The following PHF21A variants were observed in gnomAD, a reference collection of about 807,000 sequenced individuals.
PHF21A encodes PHD finger protein 21A, also known as BHC80a.
A neutral mutation model predicts 82.5 loss-of-function variants in PHF21A; 11 were observed. The observed-to-expected ratio is 0.13, with a 90% CI of 0.08 to 0.22. The LOEUF (loss-of-function observed/expected upper bound fraction) is 0.22. PHF21A is among the 10% of genes least tolerant of loss of function. The pLI, the probability that PHF21A is intolerant of heterozygous loss-of-function variation, is 1.00. For synonymous variants in PHF21A, 297 were observed against 302.8 expected (o/e 0.98, Z 0.20); for missense variants, 579 against 837.8 (o/e 0.69, Z 3.81).
intron 4 of PHF21A, among the ~76,000 whole-genome samples, chr11:46,083,245 AAG>A (rs748451265): frequency 2.7e-4 from 41 of 152,136 alleles, no homozygotes; most frequent in Admixed American, 1.9e-3. Context: ...GCAGCGGAAC[AAG>A]AGTTTAACGA....
chr11:46,009,044 G>A (rs1396005087), intron 6 of PHF21A, among the ~76,000 whole-genome samples: 2 of 138,990 alleles, frequency 1.4e-5, no homozygotes, highest in South Asian at 2.3e-4. Flanking sequence ...GCGTGATCCC[G>A]GCTCACTGCA....
chr11:45,947,183 T>C (rs987083962), intron 14 of PHF21A, among the ~76,000 whole-genome samples: 3 of 152,216 alleles, frequency 2.0e-5, no homozygotes, highest in Admixed American at 2.0e-4. Context: ...GAATGAGCCC[T>C]GTGGGTACAG....
chr11:46,076,717 A>G (rs1372010951), intron 6 of PHF21A, 37 bp downstream of exon 6: 1 of 1,538,576 alleles, frequency 6.5e-7, no homozygotes, highest in African/African-American at 1.4e-5. Flanking sequence ...TTTAGAACAC[A>G]ACGTTAAAAA....
chr11:46,049,268 A>G, intron 6 of PHF21A: 2 of 332,118 alleles, frequency 6.0e-6, no homozygotes, highest in Non-Finnish European at 1.2e-5. Flanking sequence ...GTCCTCTATC[A>G]TTTCTCAAAT....
chr11:45,991,287 G>A (rs1290402667), intron 6 of PHF21A, among the ~76,000 whole-genome samples: 1 of 151,982 alleles, frequency 6.6e-6, no homozygotes, highest in Non-Finnish European at 1.5e-5. Context: ...TTTCCATATG[G>A]TCTAATGTAG....
chr11:46,062,965 C>T (rs540621033), intron 6 of PHF21A, among the ~76,000 whole-genome samples: 36 of 152,274 alleles, frequency 2.4e-4, no homozygotes, highest in Admixed American at 9.2e-4. Flanking sequence ...ATGAGCGAGA[C>T]GACCAAGAAC....
intron 6 of PHF21A, among the ~76,000 whole-genome samples, chr11:46,066,708 TAAAC>T (rs1026343899): frequency 6.6e-6 from 1 of 151,720 alleles, no homozygotes; most frequent in Non-Finnish European, 1.5e-5. Flanking sequence ...CTAAAAATAA[TAAAC>T]AAACAAAATA....
Position 45,934,999 on chromosome 11 carries a change from A to G in PHF21A, c.1788+637T>C. The G allele has an allele frequency of 4.2e-6, 3 of 721,024 alleles. No individual in the cohort carries two copies. The South Asian group carries it at 4.3e-5, about 10-fold the overall frequency. The allele number at this position is 721,024 out of a possible 1,614,324, so 44.7% of individuals were successfully genotyped here. ...ATGAGGGCTGAGGTCACTTCACTCC[A>G]ACAAGGGTGACCTACTCAATGGAAA... On this transcript the variant is annotated intron_variant, in intron 18 of 18. Transcript: ENST00000676320.
intron 4 of PHF21A, among the ~76,000 whole-genome samples, chr11:46,082,810 A>G (rs898773095): frequency 5.3e-5 from 8 of 152,220 alleles, no homozygotes; most frequent in Non-Finnish European, 1.0e-4. Context: ...TTAGGTCATG[A>G]GCCTTTCAAG....
intron 6 of PHF21A, among the ~76,000 whole-genome samples, chr11:46,005,392 T>A (rs558088841): frequency 6.6e-6 from 1 of 152,342 alleles, no homozygotes; most frequent in African/African-American, 2.4e-5. Context: ...TTGCACAATA[T>A]ATTAACGCCT....
At position 46,102,064 on chromosome 11, in the gene PHF21A, G is replaced by A. The variant is rs770470826; in HGVS notation, c.-236-9841C>T. 9.9e-4 allele frequency among the ~76,000 whole-genome samples: 150 copies of A among 151,998 alleles called. 1 individual carries two copies. Among genetic ancestry groups the A allele is most frequent in the Middle Eastern group, 3.4e-3 (1 of 294 alleles). On this transcript the variant is annotated intron_variant, in intron 1 of 18. Transcript: ENST00000676320. ...GTAGAGACAGGGTTTCATCATGTTG[G>A]CCAGGATGGTCTCAAACTCCTGACC...
At chr11:45,960,915 T>C (rs1290147744) in intron 10 of PHF21A, among the ~76,000 whole-genome samples, 1 of 152,224 alleles carries the variant, frequency 6.6e-6, no homozygotes, top group Non-Finnish European at 1.5e-5. Context: ...TGAAGAAGTC[T>C]CCATGTGATA....
At chr11:46,094,081 A>G (rs1173726002) in intron 1 of PHF21A, among the ~76,000 whole-genome samples, 2 of 152,226 alleles carry the variant, frequency 1.3e-5, no homozygotes, top group Admixed American at 6.5e-5. Context: ...CCCACAATAT[A>G]TAAAATATGT....
intron 6 of PHF21A, among the ~76,000 whole-genome samples, chr11:46,066,832 C>G (rs2096599856): frequency 6.6e-6 from 1 of 152,180 alleles, no homozygotes; most frequent in Non-Finnish European, 1.5e-5. Flanking sequence ...GTAAACAATT[C>G]TAGATAATCT....
intron 10 of PHF21A, among the ~76,000 whole-genome samples, chr11:45,957,751 C>CAAAAAAAAAAAAAAAAAAAAAA: frequency 1.9e-3 from 113 of 60,844 alleles, no homozygotes; most frequent in East Asian, 3.9e-3. Flanking sequence ...AAATTCAAAG[C>CAAAAAAAAAAAAAAAAAAAAAA]AAAAAAAAAA....
intron 6 of PHF21A, among the ~76,000 whole-genome samples, chr11:46,007,265 G>A (rs1352181791): frequency 6.6e-6 from 1 of 152,030 alleles, no homozygotes; most frequent in African/African-American, 2.4e-5. Context: ...GCTGAAGCCA[G>A]GAATCTGTGG....
At chr11:46,100,988 T>C (rs2097088506) in intron 1 of PHF21A, among the ~76,000 whole-genome samples, 3 of 152,128 alleles carry the variant, frequency 2.0e-5, no homozygotes, top group Non-Finnish European at 2.9e-5. Context: ...TAAATAGAAA[T>C]AGAATATGCA....
intron 1 of PHF21A, chr11:46,118,051 T>C (rs1851856278): frequency 6.6e-6 from 1 of 152,190 alleles, no homozygotes; most frequent in Non-Finnish European, 1.5e-5. Context: ...TCCTGCTGGA[T>C]AGCATTTAGA....
At chr11:46,012,100 T>C (rs1437775787) in intron 6 of PHF21A, among the ~76,000 whole-genome samples, 14 of 152,222 alleles carry the variant, frequency 9.2e-5, no homozygotes, top group African/African-American at 3.4e-4. Flanking sequence ...AGCTGTTCAT[T>C]ACTACCGGAA....
Sources: allele counts gnomAD v4.1 joint callset (sites outside exome capture counted in the v4.1 genomes callset), GRCh38; gene constraint gnomAD v4.1.1; transcripts MANE v1.5; gene names NCBI Gene and HGNC (gene_info 2026-07-23, HGNC 2026-07-21).